DLG2: variants seen among roughly 807,000 people sequenced by gnomAD.
The protein encoded by DLG2 is discs large MAGUK scaffold protein 2, also known as disks large homolog 2.
In DLG2, 45 loss-of-function variants were observed where a neutral mutation model predicts 132.5. That is an observed-to-expected ratio of 0.34 (90% CI 0.27 to 0.44). DLG2 has a LOEUF of 0.44. DLG2 is among the 20% of genes least tolerant of loss of function. The probability of loss-of-function intolerance (pLI) is 1.00; values close to 1 mark genes in which losing one functional copy is unlikely to be tolerated. For missense variants in DLG2, 1,045 were observed against 1,196.9 expected (o/e 0.87, Z 1.87); for synonymous variants, 424 against 419.6 (o/e 1.01, Z -0.13).
intron 8 of DLG2, among the ~76,000 whole-genome samples, chr11:84,216,442 T>C (rs2096836460): frequency 6.6e-6 from 1 of 152,154 alleles, no homozygotes; most frequent in Non-Finnish European, 1.5e-5. Flanking sequence ...CCTACTACAC[T>C]ATAATAGGAA....
chr11:84,146,099 T>C (rs563872179), intron 9 of DLG2, among the ~76,000 whole-genome samples: 2 of 152,288 alleles, frequency 1.3e-5, no homozygotes, highest in South Asian at 4.1e-4. Flanking sequence ...CTGTCCCTAG[T>C]CATTCTTTTT....
At chr11:84,968,991 T>C (rs980066422) in intron 6 of DLG2, among the ~76,000 whole-genome samples, 11 of 151,444 alleles carry the variant, frequency 7.3e-5, no homozygotes, top group African/African-American at 2.4e-4. Context: ...GAGCAGTATA[T>C]ATACAATAAT....
At chr11:84,550,503 C>A (rs2099399804) in intron 6 of DLG2, among the ~76,000 whole-genome samples, 1 of 152,184 alleles carries the variant, frequency 6.6e-6, no homozygotes, top group Non-Finnish European at 1.5e-5. Context: ...TCAAGCTACT[C>A]TTCCTAACCA....
At chr11:85,594,931 T>C (rs1419693257) in intron 3 of DLG2, among the ~76,000 whole-genome samples, 1 of 151,730 alleles carries the variant, frequency 6.6e-6, no homozygotes, top group East Asian at 1.9e-4. Context: ...CCAGGAGTGG[T>C]GGTGCATGCC....
intron 6 of DLG2, among the ~76,000 whole-genome samples, chr11:84,875,063 G>C (rs1326450426): frequency 6.7e-6 from 1 of 149,334 alleles, no homozygotes; most frequent in Non-Finnish European, 1.5e-5. Flanking sequence ...AGTCAATATT[G>C]ACTGATGCAT....
intron 6 of DLG2, among the ~76,000 whole-genome samples, chr11:84,636,716 C>A (rs1462971485): frequency 6.6e-6 from 1 of 151,710 alleles, no homozygotes; most frequent in East Asian, 1.9e-4. Flanking sequence ...ATATAATGCT[C>A]TTTGCTATTA....
intron 7 of DLG2, among the ~76,000 whole-genome samples, chr11:84,531,289 A>T (rs750277698): frequency 9.2e-5 from 14 of 152,180 alleles, no homozygotes; most frequent in Non-Finnish European, 1.8e-4. Flanking sequence ...ACATATGGAT[A>T]CAAACAAGGG....
At chr11:83,597,539 TAAAC>T (rs2057799644) in intron 19 of DLG2, among the ~76,000 whole-genome samples, 1 of 151,304 alleles carries the variant, frequency 6.6e-6, no homozygotes, top group Non-Finnish European at 1.5e-5. Context: ...AATAAATAAA[TAAAC>T]AAAATTATCC....
chr11:84,497,111 A>T (rs1417756721), intron 7 of DLG2, among the ~76,000 whole-genome samples: 1 of 152,178 alleles, frequency 6.6e-6, no homozygotes, highest in Non-Finnish European at 1.5e-5. Context: ...TAACTCTGTC[A>T]TGTAGATTAA....
In DLG2 at chr11:84,171,109, T is replaced by A. The variant is rs190054191; in HGVS notation, c.574-7598A>T. Among the ~76,000 whole-genome samples the A allele has an allele frequency of 3.0e-3, 464 of 152,300 alleles. 2 individuals are homozygous for A. Among genetic ancestry groups the A allele is most frequent in the African/African-American group, 0.011 (446 of 41,570 alleles). On this transcript the variant is annotated intron_variant, in intron 8 of 27. Transcript: ENST00000376104. ...TTTCTACTCCTCAAAGATCTCAGGT[T>A]TCTGGAGGGAAAGAGTAAGTAGCTG... is the stretch of plus-strand genomic sequence containing the variant.
chr11:84,605,526 T>C (rs932747414), intron 6 of DLG2, among the ~76,000 whole-genome samples: 1 of 151,790 alleles, frequency 6.6e-6, no homozygotes, highest in African/African-American at 2.4e-5. Context: ...GCTAACACTA[T>C]TCAACATCTT....
intron 3 of DLG2, among the ~76,000 whole-genome samples, chr11:85,398,196 T>C (rs1399966784): frequency 6.6e-6 from 1 of 152,008 alleles, no homozygotes; most frequent in African/African-American, 2.4e-5. Context: ...AATAACAAAA[T>C]GAAGGCAGAA....
At chr11:84,859,447 TAC>T (rs1449212229) in intron 6 of DLG2, among the ~76,000 whole-genome samples, 8 of 145,536 alleles carry the variant, frequency 5.5e-5, no homozygotes, top group African/African-American at 2.0e-4. Context: ...TATATATACA[TAC>T]ATATATACAT....
Position 84,302,327 on chromosome 11 carries a change from C to T in DLG2, c.520-51036G>A, listed in dbSNP as rs2154382398. On this transcript the variant is annotated intron_variant, in intron 7 of 27. Transcript: ENST00000376104. ...AAACCTGCATGTTCTGCACATGTAT[C>T]CCAGAAGTATAATTTTAAAAAATGA... Among the ~76,000 whole-genome samples the T allele has an allele frequency of 2.0e-5, 3 of 152,058 alleles. No individual in the cohort carries two copies. The South Asian group carries it at 6.2e-4, about 32-fold the overall frequency.
intron 6 of DLG2, among the ~76,000 whole-genome samples, chr11:84,847,977 G>C (rs1387727609): frequency 6.6e-6 from 1 of 152,128 alleles, no homozygotes; most frequent in African/African-American, 2.4e-5. Context: ...CAACTCCCTA[G>C]AGACAGAAAG....
chr11:84,235,154 T>C (rs946015859), intron 8 of DLG2, among the ~76,000 whole-genome samples: 1 of 152,176 alleles, frequency 6.6e-6, no homozygotes, highest in Non-Finnish European at 1.5e-5. Context: ...ACCTACCAAC[T>C]GAAAGCCCAC....
chr11:83,574,683 A>T (rs1416010490), intron 19 of DLG2, among the ~76,000 whole-genome samples: 2 of 152,216 alleles, frequency 1.3e-5, no homozygotes, highest in Non-Finnish European at 2.9e-5. Context: ...TACCTCTGCC[A>T]TAACTAGAAG....
At position 85,198,106 on chromosome 11, in the gene DLG2, G is replaced by GA. The variant is rs879564025; in HGVS notation, c.187-43456dup. On this transcript the variant is annotated intron_variant, in intron 4 of 27. Transcript: ENST00000376104. ...AACACCTAAGACAGTCTTTTATAAAGAAAAAAAAAAGTGGCTCAAAGGTAC... is the reference window on the plus strand; with the variant it reads ...AACACCTAAGACAGTCTTTTATAAAGAAAAAAAAAAAGTGGCTCAAAGGTAC... 2.0e-3 allele frequency among the ~76,000 whole-genome samples: 299 copies of GA among 147,568 alleles called. 1 individual carries two copies. The highest frequency in any genetic ancestry group is 6.2e-3 in the African/African-American group (251 of 40,390).
intron 6 of DLG2, among the ~76,000 whole-genome samples, chr11:84,540,260 C>T (rs1371494639): frequency 6.6e-6 from 1 of 151,136 alleles, no homozygotes; most frequent in East Asian, 1.9e-4. Flanking sequence ...AGGCAACCTA[C>T]AGAATGGGAG....
Sources: gnomAD v4.1 joint callset for allele counts (sites outside exome capture counted in the v4.1 genomes callset) on GRCh38, gnomAD v4.1.1 for gene constraint, MANE v1.5 for transcripts, NCBI Gene and HGNC (gene_info 2026-07-23, HGNC 2026-07-21) for gene names.